The following MVB12B variants were observed in gnomAD, a reference collection of about 807,000 sequenced individuals.
The protein encoded by MVB12B is multivesicular body subunit 12B, also known as ESCRT-I complex subunit MVB12B.
MVB12B carries 16 observed loss-of-function variants against 41.6 expected under a neutral mutation model. The ratio of observed to expected loss-of-function variants is 0.38; its 90% CI spans 0.26 to 0.58. The LOEUF (loss-of-function observed/expected upper bound fraction) is 0.58, where lower values mean the gene tolerates loss of function less well. Among genes scored for constraint, MVB12B ranks in the 20% least tolerant of loss-of-function variants. The pLI, the probability that MVB12B is intolerant of heterozygous loss-of-function variation, is 0.62. For missense variants in MVB12B, 274 were observed against 380.2 expected, an observed-to-expected ratio of 0.72 and a Z score of 2.32; for synonymous variants, 133 against 139.7, an observed-to-expected ratio of 0.95 and a Z score of 0.34.
At chr9:126,356,919 C>T (rs955459171) in intron 2 of MVB12B, among the ~76,000 whole-genome samples, 12 of 152,058 alleles carry the variant, frequency 7.9e-5, no homozygotes, top group South Asian at 2.1e-4. Context: ...ATGCCGGTGC[C>T]ATGCTTGTAT....
chr9:126,491,654 AAAAAG>A (rs542309837), intron 9 of MVB12B, among the ~76,000 whole-genome samples: 3 of 152,246 alleles, frequency 2.0e-5, no homozygotes, highest in Non-Finnish European at 4.4e-5. Flanking sequence ...TTAGATAAAT[AAAAAG>A]AAACCAACCT....
At chr9:126,475,114 C>G (rs1249676540) in intron 7 of MVB12B, among the ~76,000 whole-genome samples, 1 of 150,668 alleles carries the variant, frequency 6.6e-6, no homozygotes, top group African/African-American at 2.4e-5. Flanking sequence ...GGTTTTCGGA[C>G]CTACACTACG....
chr9:126,402,718 C>CT (rs1279924360), intron 6 of MVB12B, among the ~76,000 whole-genome samples: 1 of 152,218 alleles, frequency 6.6e-6, no homozygotes, highest in Non-Finnish European at 1.5e-5. Context: ...TCAGACACTT[C>CT]TGCAGGTCAT....
chr9:126,403,950 CTTTTTTTTTT>C (rs36030597), intron 6 of MVB12B, among the ~76,000 whole-genome samples: 2 of 104,752 alleles, frequency 1.9e-5, no homozygotes, highest in Middle Eastern at 6.6e-3. Context: ...TCCTTTAAAT[CTTTTTTTTTT>C]TTTTTTTTTT....
chr9:126,342,765 G>A (rs920002648), intron 2 of MVB12B, among the ~76,000 whole-genome samples: 24 of 152,164 alleles, frequency 1.6e-4, no homozygotes, highest in Non-Finnish European at 3.4e-4. Flanking sequence ...GGAGGGCATG[G>A]TGAGAAGAGA....
In MVB12B at chr9:126,478,859, T is replaced by C. The variant is rs1417236968; in HGVS notation, c.758-2510T>C. Among the ~76,000 whole-genome samples the C allele has an allele frequency of 1.3e-5, 2 of 152,154 alleles. No homozygotes were observed. The highest frequency in any genetic ancestry group is 3.9e-4 in the East Asian group (2 of 5,186). On this transcript the variant is annotated intron_variant, in intron 7 of 9. Transcript: ENST00000361171. This position sits in a 1 kb window ranked among gnomAD's most constrained non-coding sequence, Gnocchi z 4.2. Reference sequence around the variant, plus strand: ...CAGGATCCCTAGACATACAGTGACATGTAGATAGAAACAACTGTCACCAGT... The same window carrying C: ...CAGGATCCCTAGACATACAGTGACACGTAGATAGAAACAACTGTCACCAGT...
chr9:126,340,398 G>A lies in MVB12B; in HGVS notation c.82-110G>A, dbSNP rs1488053928. On this transcript the variant is annotated intron_variant, in intron 1 of 9. Coordinates refer to ENST00000361171, the MANE Select transcript of MVB12B (RefSeq NM_033446.3). This position sits in a 1 kb window ranked among gnomAD's most constrained non-coding sequence, Gnocchi z 4.0. Reference sequence around the variant, plus strand: ...GGACTCATTCAACCAGTACAGGTATGTGAAACTCAGGGTATTTGCCCCAAG... The same window carrying A: ...GGACTCATTCAACCAGTACAGGTATATGAAACTCAGGGTATTTGCCCCAAG... 4 of 1,267,434 alleles carry A rather than the reference G, an allele frequency of 3.2e-6. No homozygotes were observed. The highest frequency in any genetic ancestry group is 4.5e-6 in the Non-Finnish European group (4 of 892,622). 78.5% of individuals were successfully genotyped at this position (1,267,434 alleles called of 1,614,324 possible). A position where few individuals can be genotyped will look rare whatever the true frequency, so the allele number is the denominator to read the frequency against.
chr9:126,349,632 ACT>A (rs1323996644), intron 2 of MVB12B, among the ~76,000 whole-genome samples: 2 of 152,146 alleles, frequency 1.3e-5, no homozygotes, highest in Non-Finnish European at 2.9e-5. Context: ...TTTAAAAAAA[ACT>A]CAGCATAATT....
intron 9 of MVB12B, among the ~76,000 whole-genome samples, chr9:126,497,368 C>T (rs1357165895): frequency 1.3e-5 from 2 of 152,126 alleles, no homozygotes; most frequent in East Asian, 1.9e-4. Context: ...AAAGGGTCTG[C>T]GGGAGCCCTC....
At chr9:126,347,300 G>A (rs568199002) in intron 2 of MVB12B, among the ~76,000 whole-genome samples, 13 of 152,330 alleles carry the variant, frequency 8.5e-5, no homozygotes, top group Non-Finnish European at 1.0e-4. Context: ...CGGCCTGTGC[G>A]GGCAGCACAT....
At chr9:126,394,711 AG>A (rs1831055122) in intron 5 of MVB12B, among the ~76,000 whole-genome samples, 1 of 152,214 alleles carries the variant, frequency 6.6e-6, no homozygotes, top group African/African-American at 2.4e-5. Context: ...CACTCATCTA[AG>A]AAGACAGGAT....
At chr9:126,416,426 C>T (rs1193810226) in intron 6 of MVB12B, among the ~76,000 whole-genome samples, 1 of 152,184 alleles carries the variant, frequency 6.6e-6, no homozygotes, top group East Asian at 1.9e-4. Context: ...GGTTTGCCTC[C>T]CTGGGTGTGC....
At chr9:126,420,010 C>T (rs536204397) in intron 6 of MVB12B, among the ~76,000 whole-genome samples, 98 of 152,258 alleles carry the variant, frequency 6.4e-4, no homozygotes, top group African/African-American at 2.1e-3. Flanking sequence ...GCTCTGCTTC[C>T]GACGTGTGCC....
At chr9:126,398,145 C>T (rs1831169789) in intron 6 of MVB12B, among the ~76,000 whole-genome samples, 1 of 151,988 alleles carries the variant, frequency 6.6e-6, no homozygotes, top group South Asian at 2.1e-4. Flanking sequence ...CAGAGGACTT[C>T]TCTCCCGGGA....
At chr9:126,488,542 C>T (rs58836980) in intron 9 of MVB12B, among the ~76,000 whole-genome samples, 7,165 of 152,136 alleles carry the variant, frequency 0.047, 547 homozygotes, top group African/African-American at 0.16. Context: ...TTCAGGATCC[C>T]TCTGCACCAC....
intron 2 of MVB12B, among the ~76,000 whole-genome samples, chr9:126,378,388 G>A (rs1830541234): frequency 6.6e-6 from 1 of 152,150 alleles, no homozygotes; most frequent in Admixed American, 6.5e-5. Flanking sequence ...ACACCTCTGG[G>A]TACATCTTGT....
intron 7 of MVB12B, among the ~76,000 whole-genome samples, chr9:126,466,049 CAGTT>C (rs1833192563): frequency 1.3e-5 from 2 of 152,242 alleles, no homozygotes; most frequent in Admixed American, 1.3e-4. Flanking sequence ...GCCCCTCCAT[CAGTT>C]AGTTTTTGTT....
At chr9:126,328,082 TA>T (rs1564274146) in intron 1 of MVB12B, among the ~76,000 whole-genome samples, 1 of 152,158 alleles carries the variant, frequency 6.6e-6, no homozygotes, top group South Asian at 2.1e-4. Flanking sequence ...CTTAGAGAGT[TA>T]AAAAATAAGC....
chr9:126,359,869 A>C (rs554238134), intron 2 of MVB12B, among the ~76,000 whole-genome samples: 4 of 152,122 alleles, frequency 2.6e-5, no homozygotes, highest in African/African-American at 9.6e-5. Context: ...TAGTTTTATC[A>C]ATTTAATCAA....
Sources: gnomAD v4.1 joint callset for allele counts (sites outside exome capture counted in the v4.1 genomes callset) on GRCh38, gnomAD v4.1.1 for gene constraint, Gnocchi (gnomAD v3.1) non-coding constraint, MANE v1.5 for transcripts, NCBI Gene and HGNC (gene_info 2026-07-23, HGNC 2026-07-21) for gene names.